The following WDR43 variants were observed in gnomAD, a reference collection of about 807,000 sequenced individuals.
WDR43 encodes the protein WD repeat-containing protein 43.
Under a neutral mutation model 91.4 loss-of-function variants are expected in WDR43, and 13 were observed. The observed-to-expected ratio is 0.14, with a 90% CI of 0.09 to 0.23. WDR43 has a LOEUF of 0.23. Among genes scored for constraint, WDR43 ranks in the 10% least tolerant of loss-of-function variants. The pLI, the probability that WDR43 is intolerant of heterozygous loss-of-function variation, is 1.00. For missense variants in WDR43, 780 were observed against 809.4 expected (o/e 0.96, Z 0.44); for synonymous variants, 331 against 287.9 (o/e 1.15, Z -1.51).
At chr2:28,896,166 G>C (rs528646107) in intron 1 of WDR43, among the ~76,000 whole-genome samples, 1 of 151,998 alleles carries the variant, frequency 6.6e-6, no homozygotes, top group South Asian at 2.1e-4. Flanking sequence ...GTTTTCTGTG[G>C]TTGTATTTTA....
intron 2 of WDR43, among the ~76,000 whole-genome samples, chr2:28,902,521 C>T (rs1327213044): frequency 6.6e-6 from 1 of 152,168 alleles, no homozygotes; most frequent in Non-Finnish European, 1.5e-5. Flanking sequence ...GAAGAGTGGC[C>T]CCATGGGCAT....
At chr2:28,944,352 T>A (rs1671503237) in intron 16 of WDR43, among the ~76,000 whole-genome samples, 1 of 152,236 alleles carries the variant, frequency 6.6e-6, no homozygotes, top group Non-Finnish European at 1.5e-5. Flanking sequence ...TTCTTAAATT[T>A]AAAAATTGAA....
At chr2:28,917,220 C>G (rs528913517) in intron 5 of WDR43, among the ~76,000 whole-genome samples, 5 of 152,262 alleles carry the variant, frequency 3.3e-5, no homozygotes, top group African/African-American at 9.6e-5. Flanking sequence ...AGATTTTTCG[C>G]TAGTCTACAC....
At chr2:28,914,530 A>G (rs1048429102) in intron 5 of WDR43, among the ~76,000 whole-genome samples, 8 of 152,238 alleles carry the variant, frequency 5.3e-5, no homozygotes. Context: ...TTAATGCAGT[A>G]GTGTCTGTTT....
chr2:28,902,948 A>G (rs960264131), intron 2 of WDR43, among the ~76,000 whole-genome samples: 1 of 152,208 alleles, frequency 6.6e-6, no homozygotes, highest in African/African-American at 2.4e-5. Flanking sequence ...TGTTTTAAAT[A>G]ACATTTGTCT....
At chr2:28,927,473 A>G (rs1329877067) in intron 9 of WDR43, 96 bp from the exon 10 acceptor site, 27 of 1,408,490 alleles carry the variant, frequency 1.9e-5, no homozygotes, top group Admixed American at 7.8e-5. Flanking sequence ...CATTTTTCCA[A>G]TAGAGGAGCC....
chr2:28,908,567 G>C (rs9677140), intron 3 of WDR43, among the ~76,000 whole-genome samples: 2 of 151,968 alleles, frequency 1.3e-5, no homozygotes, highest in African/African-American at 4.8e-5. Flanking sequence ...CATTCAACAC[G>C]TGTGCGTTTT....
In WDR43 at chr2:28,914,143, C is replaced by A. The variant is rs940504421; in HGVS notation, c.681C>A (p.Pro227=). 5.6e-6 allele frequency: 9 copies of A among 1,613,832 alleles called. No individual in the cohort carries two copies. The highest frequency in any genetic ancestry group is 6.8e-6 in the Non-Finnish European group (8 of 1,179,886). ...TCAGACCTCCTAATGAGAGCCAGCC[C>A]TTTGATGGAATTACAGGTCTTTATT... is the stretch of plus-strand genomic sequence containing the variant. ...TTIRPPNESQ[P]FDGITGLYFL... is the part of the protein sequence containing the mutation. The change falls in exon 5 of 18, where the codon CCC becomes CCA. Residue 227 remains proline, a synonymous_variant. Transcript: ENST00000407426.
At chr2:28,898,755 C>T (rs1464812697) in intron 1 of WDR43, among the ~76,000 whole-genome samples, 1 of 151,724 alleles carries the variant, frequency 6.6e-6, no homozygotes, top group East Asian at 1.9e-4. Flanking sequence ...GGAAGTTTCT[C>T]TGTGAAGCTT....
chr2:28,941,537 C>T lies in WDR43; in HGVS notation c.1697C>T (p.Ser566Leu). The T allele has an allele frequency of 1.9e-6, 3 of 1,613,220 alleles. No homozygotes were observed. The highest frequency in any genetic ancestry group is 2.5e-6 in the Non-Finnish European group (3 of 1,179,540). ...ESRVKTFQKL[S>L]HLHGKLILLI... ...AGAGTCAAAACTTTTCAGAAACTTT[C>T]ACACCTTCATGGAAAGCTTATTCTT... Residue 566 changes from serine to leucine, a missense_variant, in exon 15 of 18, where the codon TCA becomes TTA. Ser to Leu is a moderately radical substitution (Grantham distance 145, BLOSUM62 -2). This residue lies in a region of WDR43 where 426 missense variants were observed against 467.8 expected (regional missense o/e 0.91). Coordinates refer to ENST00000407426, the MANE Select transcript of WDR43 (RefSeq NM_015131.3).
chr2:28,931,726 A>G (rs1572599363), intron 11 of WDR43, among the ~76,000 whole-genome samples: 1 of 152,244 alleles, frequency 6.6e-6, no homozygotes, highest in South Asian at 2.1e-4. Flanking sequence ...AGGTGTTGAA[A>G]GGGAAAATAA....
At chr2:28,909,005 G>T (rs1284849607) in intron 3 of WDR43, among the ~76,000 whole-genome samples, 1 of 152,034 alleles carries the variant, frequency 6.6e-6, no homozygotes, top group African/African-American at 2.4e-5. Flanking sequence ...TAGTTACTAG[G>T]TCATTCTCTA....
chr2:28,941,663 C>T, intron 15 of WDR43, 89 bp downstream of exon 15: 1 of 1,007,706 alleles, frequency 9.9e-7, no homozygotes, highest in South Asian at 1.5e-5. Flanking sequence ...CAGGGTCTTG[C>T]TCTGTCGCTC....
chr2:28,906,047 A>G (rs1372712035), intron 2 of WDR43, among the ~76,000 whole-genome samples: 5 of 152,150 alleles, frequency 3.3e-5, no homozygotes, highest in Non-Finnish European at 5.9e-5. Context: ...ATTTTAGTTA[A>G]TTATTTGGTA....
intron 1 of WDR43, among the ~76,000 whole-genome samples, chr2:28,901,045 G>C (rs1437277556): frequency 6.6e-6 from 1 of 152,194 alleles, no homozygotes; most frequent in Non-Finnish European, 1.5e-5. Context: ...CTTGGGCTGT[G>C]TGCATGCCCA....
chr2:28,917,786 C>G (rs1025550886), intron 5 of WDR43, 107 bp from the exon 6 acceptor site: 1 of 930,000 alleles, frequency 1.1e-6, no homozygotes, highest in Non-Finnish European at 1.6e-6. Flanking sequence ...GATGACAAAG[C>G]TATTGGGAAT....
At chr2:28,906,334 C>T (rs557205539) in intron 2 of WDR43, 126 bp from the exon 3 acceptor site, 574 of 889,176 alleles carry the variant, frequency 6.5e-4, no homozygotes, top group Non-Finnish European at 8.4e-4. Context: ...GAAATATCCA[C>T]GTGTGGGCCA....
chr2:28,918,770 A>C (rs1463877016), intron 6 of WDR43, among the ~76,000 whole-genome samples: 2 of 152,184 alleles, frequency 1.3e-5, no homozygotes, highest in African/African-American at 4.8e-5. Context: ...TAAAGGATTA[A>C]ACCTGTTGTC....
At chr2:28,906,084 A>G (rs1670672422) in intron 2 of WDR43, among the ~76,000 whole-genome samples, 1 of 152,222 alleles carries the variant, frequency 6.6e-6, no homozygotes, top group African/African-American at 2.4e-5. Context: ...TATTATCATA[A>G]TATGTAAGAC....
Sources: gnomAD v4.1 joint callset for allele counts (sites outside exome capture counted in the v4.1 genomes callset) on GRCh38, gnomAD v4.1.1 for gene constraint, gnomAD v4.1.1 regional missense constraint, MANE v1.5 for transcripts, NCBI Gene and HGNC (gene_info 2026-07-23, HGNC 2026-07-21) for gene names.